The following PSD2 variants were observed in gnomAD, a reference collection of about 807,000 sequenced individuals.
PSD2 encodes PH and SEC7 domain-containing protein 2.
In PSD2, 38 loss-of-function variants were observed where a neutral mutation model predicts 69.8. The ratio of observed to expected loss-of-function variants is 0.54; its 90% CI spans 0.42 to 0.71. PSD2 has a LOEUF of 0.71. PSD2 is among the 30% of genes least tolerant of loss of function. The pLI, the probability that PSD2 is intolerant of heterozygous loss-of-function variation, is 0.00. For missense variants in PSD2, 943 were observed against 1,014.5 expected (o/e 0.93, Z 0.96); for synonymous variants, 412 against 423.0 (o/e 0.97, Z 0.32).
At position 139,837,620 on chromosome 5, in the gene PSD2, C is replaced by T; in HGVS notation, c.1666-5C>T. The T allele has an allele frequency of 6.3e-7, 1 of 1,593,114 alleles. No homozygotes were observed. Among genetic ancestry groups the T allele is most frequent in the Non-Finnish European group, 8.6e-7 (1 of 1,164,318 alleles). ...ACCCTAGCTCGCCCATCCTGCCCCA[C>T]CCAGGATGAGTACAGGCCTGACAAA... On this transcript the variant is annotated splice_polypyrimidine_tract_variant and splice_region_variant and intron_variant, in intron 11 of 14. Transcript: ENST00000274710. This position sits in a 1 kb window ranked among gnomAD's most constrained non-coding sequence, Gnocchi z 5.0.
At chr5:139,778,185 G>A in the PSD2 span, among the ~76,000 whole-genome samples, 1 of 152,330 alleles carries the variant, frequency 6.6e-6, no homozygotes, top group South Asian at 2.1e-4. Flanking sequence ...GGTTCCCAAG[G>A]GACAGTGCAG....
At chr5:139,774,703 G>T in the PSD2 span, among the ~76,000 whole-genome samples, 30 of 152,224 alleles carry the variant, frequency 2.0e-4, no homozygotes, top group African/African-American at 7.0e-4. Context: ...TGTTGGTCAG[G>T]CTGGTCTGGA....
the PSD2 span, chr5:139,746,185 G>A: frequency 6.6e-6 from 1 of 152,186 alleles, no homozygotes; most frequent in African/African-American, 2.4e-5. This position sits in a 1 kb window ranked among gnomAD's most constrained non-coding sequence, Gnocchi z 4.5. Flanking sequence ...TTGGCCTGGG[G>A]AGCCCTACAT....
chr5:139,834,585 G>A (rs750314327), intron 8 of PSD2, among the ~76,000 whole-genome samples: 1 of 151,768 alleles, frequency 6.6e-6, no homozygotes, highest in Non-Finnish European at 1.5e-5. Flanking sequence ...ACAGGCGTAA[G>A]CCACCACACC....
chr5:139,801,623 C>T (rs1759677018), intron 1 of PSD2, among the ~76,000 whole-genome samples: 1 of 152,262 alleles, frequency 6.6e-6, no homozygotes, highest in South Asian at 2.1e-4. Context: ...CAGATCCCAT[C>T]CAGTCTTGTG....
chr5:139,764,019 T>C, the PSD2 span, among the ~76,000 whole-genome samples: 1 of 152,176 alleles, frequency 6.6e-6, no homozygotes, highest in Non-Finnish European at 1.5e-5. Flanking sequence ...CTCTGGTGAA[T>C]AGATGAGCTC....
intron 14 of PSD2, among the ~76,000 whole-genome samples, chr5:139,841,994 AATTTTGATATAGTCCC>A (rs1426125892): frequency 3.9e-5 from 6 of 152,070 alleles, no homozygotes; most frequent in African/African-American, 1.4e-4. Context: ...AGAAGTTTTC[AATTTTGATATAGTCCC>A]ATTTGTGTAT....
intron 4 of PSD2, among the ~76,000 whole-genome samples, chr5:139,815,197 T>C (rs1412955034): frequency 6.6e-6 from 1 of 151,792 alleles, no homozygotes; most frequent in Non-Finnish European, 1.5e-5. Flanking sequence ...CTCCCTCCAC[T>C]TCTCCCTCCA....
At chr5:139,767,805 G>A in the PSD2 span, among the ~76,000 whole-genome samples, 8 of 152,236 alleles carry the variant, frequency 5.3e-5, no homozygotes, top group African/African-American at 1.9e-4. Context: ...AAGTGATTCA[G>A]CACATGCAAT....
At chr5:139,762,717 C>G in the PSD2 span, among the ~76,000 whole-genome samples, 2 of 152,118 alleles carry the variant, frequency 1.3e-5, no homozygotes, top group African/African-American at 4.8e-5. Flanking sequence ...AGACAGTACT[C>G]CACTCAGAAA....
At chr5:139,778,757 T>C in the PSD2 span, among the ~76,000 whole-genome samples, 2 of 150,440 alleles carry the variant, frequency 1.3e-5, no homozygotes, top group African/African-American at 4.9e-5. Context: ...AACCCATCTC[T>C]CCAAAAAAAA....
chr5:139,819,472 A>G (rs1013965105), intron 5 of PSD2, among the ~76,000 whole-genome samples: 1 of 152,134 alleles, frequency 6.6e-6, no homozygotes, highest in African/African-American at 2.4e-5. Context: ...CATCTTTTAT[A>G]TCTCTGAAAT....
chr5:139,762,436 G>T, the PSD2 span, among the ~76,000 whole-genome samples: 4 of 152,278 alleles, frequency 2.6e-5, no homozygotes, highest in African/African-American at 9.6e-5. Flanking sequence ...TCAAACTGGG[G>T]CTCAAACGAT....
At chr5:139,783,991 C>G in the PSD2 span, among the ~76,000 whole-genome samples, 3 of 117,418 alleles carry the variant, frequency 2.6e-5, no homozygotes, top group Non-Finnish European at 5.1e-5. Flanking sequence ...GTCGCCCATG[C>G]TGGAGTGCAG....
Position 139,839,773 on chromosome 5 carries a change from G to A in PSD2, c.1969-254G>A, listed in dbSNP as rs890786094. 1.3e-5 allele frequency among the ~76,000 whole-genome samples: 2 copies of A among 152,180 alleles called. No homozygotes were observed. The highest frequency in any genetic ancestry group is 4.8e-5 in the African/African-American group (2 of 41,436). On this transcript the variant is annotated intron_variant, in intron 13 of 14. Transcript: ENST00000274710. The surrounding 1 kb of genome is among the most constrained non-coding windows in gnomAD (Gnocchi z 5.1). ...GCACATATAAGTGTGAGCATCTCTT[G>A]TCTCCCAAGCCTGCGGTGGGGTGGC...
the PSD2 span, among the ~76,000 whole-genome samples, chr5:139,789,989 GGGGCC>G: frequency 0.012 from 1,751 of 150,732 alleles, 10 homozygotes; most frequent in Non-Finnish European, 0.021. Context: ...AGAGCAGCAC[GGGGCC>G]GGGCGGGCGC....
At chr5:139,767,180 G>C in the PSD2 span, among the ~76,000 whole-genome samples, 26 of 151,284 alleles carry the variant, frequency 1.7e-4, no homozygotes, top group Non-Finnish European at 2.5e-4. Flanking sequence ...ATTTTTAGTA[G>C]AGACAGATTT....
In PSD2 at chr5:139,842,670, G is replaced by A. The variant is rs1490070972; in HGVS notation, c.*196G>A. 6.8e-6 allele frequency: 4 copies of A among 584,168 alleles called. No individual in the cohort carries two copies. The highest frequency in any genetic ancestry group is 6.1e-6 in the Non-Finnish European group (2 of 328,706). 36.2% of individuals were successfully genotyped at this position (584,168 alleles called of 1,614,324 possible). A position where few individuals can be genotyped will look rare whatever the true frequency, so the allele number is the denominator to read the frequency against. On this transcript the variant is annotated 3_prime_UTR_variant, in exon 15 of 15. Transcript: ENST00000274710. ...TCCTTGCGTCCTTGGGCATCTCCGGGCATCAGACCCTCTCCCTGGCCCTTG... is the reference window on the plus strand; with the variant it reads ...TCCTTGCGTCCTTGGGCATCTCCGGACATCAGACCCTCTCCCTGGCCCTTG...
chr5:139,833,776 C>A lies in PSD2; in HGVS notation c.1344C>A (p.Ala448=). Residue 448 remains alanine (A), a synonymous_variant, in exon 8 of 15, where the codon GCC becomes GCA. Coordinates refer to ENST00000274710, the MANE Select transcript of PSD2 (RefSeq NM_032289.4). ...LDQLNDGQDF[A]KDLLKTLYNS... is the part of the protein sequence containing the mutation. ...AGCTGAATGATGGCCAAGACTTTGCCAAAGACCTGCTGAAGGTACTGTCTG... is the reference window on the plus strand; with the variant it reads ...AGCTGAATGATGGCCAAGACTTTGCAAAAGACCTGCTGAAGGTACTGTCTG... 1 of 1,613,240 alleles carries A rather than the reference C, an allele frequency of 6.2e-7. No homozygotes were observed. Among genetic ancestry groups the A allele is most frequent in the Middle Eastern group, 1.6e-4 (1 of 6,062 alleles).
Sources: gnomAD v4.1 joint callset for allele counts (sites outside exome capture counted in the v4.1 genomes callset) on GRCh38, gnomAD v4.1.1 for gene constraint, Gnocchi (gnomAD v3.1) non-coding constraint, MANE v1.5 for transcripts, NCBI Gene and HGNC (gene_info 2026-07-23, HGNC 2026-07-21) for gene names.